Variants in ADARB2 observed in about 807,000 individuals in gnomAD.
ADARB2 encodes the protein adenosine deaminase RNA specific B2 (inactive), also known as inactive double-stranded RNA-specific editase B2.
Under a neutral mutation model 62.2 loss-of-function variants are expected in ADARB2, and 25 were observed. That is an observed-to-expected ratio of 0.40 (90% CI 0.29 to 0.56). The LOEUF (loss-of-function observed/expected upper bound fraction) is 0.56, where lower values mean the gene tolerates loss of function less well. Among genes scored for constraint, ADARB2 ranks in the 20% least tolerant of loss-of-function variants. The pLI is 0.43. For synonymous variants in ADARB2, 572 were observed against 500.8 expected (o/e 1.14, Z -1.90); for missense variants, 1,071 against 1,077.4 (o/e 0.99, Z 0.08).
At chr10:1,345,571 A>C (rs1363438220) in intron 3 of ADARB2, among the ~76,000 whole-genome samples, 1 of 152,160 alleles carries the variant, frequency 6.6e-6, no homozygotes, top group Non-Finnish European at 1.5e-5. Flanking sequence ...CCTCATGCAC[A>C]CGGCTCTGCT....
chr10:1,244,159 C>T (rs192277739), intron 4 of ADARB2, among the ~76,000 whole-genome samples: 34 of 152,328 alleles, frequency 2.2e-4, no homozygotes, highest in African/African-American at 8.2e-4. Context: ...GGGTGGGCAG[C>T]TGCTACTGAC....
chr10:1,313,549 A>G (rs1415557976), intron 3 of ADARB2, among the ~76,000 whole-genome samples: 1 of 152,210 alleles, frequency 6.6e-6, no homozygotes, highest in African/African-American at 2.4e-5. Flanking sequence ...GAAAGCACCA[A>G]TGCTTCCACA....
At chr10:1,473,409 G>T (rs1404979592) in intron 1 of ADARB2, among the ~76,000 whole-genome samples, 1 of 151,968 alleles carries the variant, frequency 6.6e-6, no homozygotes, top group Non-Finnish European at 1.5e-5. Flanking sequence ...TCCTGACAGG[G>T]CCTCACTCTG....
chr10:1,512,405 A>G (rs1831948310), intron 1 of ADARB2, among the ~76,000 whole-genome samples: 1 of 152,182 alleles, frequency 6.6e-6, no homozygotes, highest in African/African-American at 2.4e-5. Flanking sequence ...GGATACCAAT[A>G]CATCAATTAA....
intron 8 of ADARB2, among the ~76,000 whole-genome samples, chr10:1,195,409 T>C (rs1836896893): frequency 6.6e-6 from 1 of 151,422 alleles, no homozygotes; most frequent in Non-Finnish European, 1.5e-5. Flanking sequence ...TGTTTTTTTT[T>C]TTTTTAAGAT....
Position 1,406,271 on chromosome 10 carries a change from C to T in ADARB2, c.101-27111G>A, listed in dbSNP as rs188161118. 1.2e-4 allele frequency among the ~76,000 whole-genome samples: 19 copies of T among 152,320 alleles called. No individual in the cohort carries two copies. The East Asian group carries it at 3.3e-3, about 26-fold the overall frequency. ...GCCTGCTTCCTTCTGTGTGTGGGCC[C>T]TCCCCAGGGGCTCAGGCAGGGAGCT... On this transcript the variant is annotated intron_variant, in intron 1 of 9. Coordinates refer to ENST00000381312, the MANE Select transcript of ADARB2 (RefSeq NM_018702.4).
chr10:1,606,415 G>A (rs1256435249), intron 1 of ADARB2, among the ~76,000 whole-genome samples: 1 of 152,178 alleles, frequency 6.6e-6, no homozygotes, highest in Non-Finnish European at 1.5e-5. Context: ...GCAAGCAGGT[G>A]AGAGCCCTGC....
chr10:1,298,712 C>T lies in ADARB2; in HGVS notation c.1078-27643G>A, dbSNP rs1014730301. ...GCAATGCTGCCGACTATCCCATGTGCGACGGGAATTTTTTTTTTTTTTTTT... is the reference window on the plus strand; with the variant it reads ...GCAATGCTGCCGACTATCCCATGTGTGACGGGAATTTTTTTTTTTTTTTTT... On this transcript the variant is annotated intron_variant, in intron 3 of 9. Coordinates refer to ENST00000381312, the MANE Select transcript of ADARB2 (RefSeq NM_018702.4). 2.5e-4 allele frequency among the ~76,000 whole-genome samples: 32 copies of T among 125,916 alleles called. 1 individual carries two copies. The highest frequency in any genetic ancestry group is 1.2e-4 in the African/African-American group (4 of 32,700). 82.6% of individuals were successfully genotyped at this position (125,916 alleles called of 152,430 possible).
intron 1 of ADARB2, among the ~76,000 whole-genome samples, chr10:1,671,469 G>T (rs902471777): frequency 6.6e-6 from 1 of 152,162 alleles, no homozygotes; most frequent in African/African-American, 2.4e-5. Flanking sequence ...ATCACCACCC[G>T]TCACACCTGC....
chr10:1,679,946 C>G (rs1424697380), intron 1 of ADARB2, among the ~76,000 whole-genome samples: 1 of 152,156 alleles, frequency 6.6e-6, no homozygotes, highest in East Asian at 1.9e-4. Flanking sequence ...GCAGGAAGCT[C>G]CCTTCCCACA....
intron 1 of ADARB2, among the ~76,000 whole-genome samples, chr10:1,701,857 G>A (rs113486452): frequency 7.6e-6 from 1 of 132,138 alleles, no homozygotes; most frequent in African/African-American, 2.9e-5. Context: ...ACCAGTACAC[G>A]CAATCCCACT....
intron 1 of ADARB2, among the ~76,000 whole-genome samples, chr10:1,539,045 C>T (rs565181784): frequency 9.0e-4 from 137 of 152,284 alleles, no homozygotes; most frequent in Non-Finnish European, 1.2e-3. Flanking sequence ...TGCACGTCGG[C>T]CCTGGGATGT....
chr10:1,307,402 A>G (rs890008512), intron 3 of ADARB2, among the ~76,000 whole-genome samples: 22 of 142,570 alleles, frequency 1.5e-4, no homozygotes, highest in Admixed American at 3.7e-4. Flanking sequence ...ACCAGTTAGA[A>G]TGGCAATCAT....
chr10:1,234,737 C>CTTTTTTTTTTTTTTTT (rs71376899), intron 5 of ADARB2, among the ~76,000 whole-genome samples: 1 of 53,634 alleles, frequency 1.9e-5, no homozygotes, highest in Non-Finnish European at 3.3e-5. Context: ...CGACCATGAT[C>CTTTTTTTTTTTTTTTT]TTTTTTTTTT....
intron 1 of ADARB2, among the ~76,000 whole-genome samples, chr10:1,664,062 T>C (rs1241220994): frequency 2.0e-5 from 3 of 152,220 alleles, no homozygotes; most frequent in Admixed American, 1.3e-4. Flanking sequence ...TCTGTGCAGT[T>C]TCTGTGTGCC....
chr10:1,611,619 C>T (rs956660512), intron 1 of ADARB2, among the ~76,000 whole-genome samples: 5 of 152,128 alleles, frequency 3.3e-5, no homozygotes, highest in African/African-American at 1.2e-4. Flanking sequence ...GGGCACGGTG[C>T]CCCCATTGAT....
At chr10:1,577,960 C>T (rs913334780) in intron 1 of ADARB2, among the ~76,000 whole-genome samples, 1 of 152,182 alleles carries the variant, frequency 6.6e-6, no homozygotes, top group African/African-American at 2.4e-5. Flanking sequence ...ACAGTGGCTG[C>T]AAGCCATGAA....
chr10:1,639,997 T>C (rs938944863), intron 1 of ADARB2, among the ~76,000 whole-genome samples: 1 of 152,066 alleles, frequency 6.6e-6, no homozygotes, highest in African/African-American at 2.4e-5. Context: ...CTTCAGGCCT[T>C]AATGGGGTGT....
At chr10:1,297,271 C>A (rs533960906) in intron 3 of ADARB2, among the ~76,000 whole-genome samples, 3 of 152,202 alleles carry the variant, frequency 2.0e-5, no homozygotes, top group Non-Finnish European at 4.4e-5. Context: ...TGGAGGGAGG[C>A]GTAGCCCCCG....
Sources: gnomAD v4.1 joint callset for allele counts (sites outside exome capture counted in the v4.1 genomes callset) on GRCh38, gnomAD v4.1.1 for gene constraint, MANE v1.5 for transcripts, NCBI Gene and HGNC (gene_info 2026-07-23, HGNC 2026-07-21) for gene names.